The following SLC38A12 variants were observed in gnomAD, a reference collection of about 807,000 sequenced individuals.
SLC38A12 encodes putative sodium-coupled neutral amino acid transporter 12.
chr17:74,824,961 C>T, the SLC38A12 span, among the ~76,000 whole-genome samples: 1 of 152,342 alleles, frequency 6.6e-6, no homozygotes, highest in South Asian at 2.1e-4. Context: ...TTACCTGTCT[C>T]CAAACCCATG....
the SLC38A12 span, among the ~76,000 whole-genome samples, chr17:74,801,330 T>G: frequency 1.3e-5 from 2 of 152,238 alleles, no homozygotes; most frequent in African/African-American, 4.8e-5. Context: ...GTGCACTGCG[T>G]GCAGTCGTTC....
At chr17:74,825,264 A>G in the SLC38A12 span, among the ~76,000 whole-genome samples, 2 of 152,220 alleles carry the variant, frequency 1.3e-5, no homozygotes, top group South Asian at 2.1e-4. Flanking sequence ...GCCACTGTCC[A>G]GGGCTCTCCT....
the SLC38A12 span, chr17:74,838,892 C>A: frequency 1.3e-5 from 20 of 1,535,418 alleles, no homozygotes; most frequent in Non-Finnish European, 1.7e-5. Flanking sequence ...TGCAGATGGG[C>A]CCCCGGGGTC....
chr17:74,831,287 C>A, the SLC38A12 span, among the ~76,000 whole-genome samples: 8 of 152,286 alleles, frequency 5.3e-5, no homozygotes, highest in African/African-American at 1.9e-4. Flanking sequence ...ACTCTGGGCT[C>A]CAGAAGGACA....
chr17:74,838,034 GC>G, the SLC38A12 span: 1 of 985,888 alleles, frequency 1.0e-6, no homozygotes, highest in Middle Eastern at 5.2e-4. Context: ...CTCTGACAGA[GC>G]GACGATGTAG....
At chr17:74,797,062 G>A in the SLC38A12 span, among the ~76,000 whole-genome samples, 2 of 152,220 alleles carry the variant, frequency 1.3e-5, no homozygotes, top group African/African-American at 4.8e-5. Flanking sequence ...AGTTTGGTGG[G>A]TCTTTGCTGG....
the SLC38A12 span, chr17:74,837,137 T>G: frequency 1.0e-6 from 1 of 987,948 alleles, no homozygotes; most frequent in African/African-American, 1.7e-5. Context: ...TAGCAGCTGC[T>G]GCCTCTTCAG....
chr17:74,827,910 G>C, the SLC38A12 span, among the ~76,000 whole-genome samples: 1 of 135,300 alleles, frequency 7.4e-6, no homozygotes, highest in Non-Finnish European at 1.6e-5. The surrounding 1 kb of genome is among the most constrained non-coding windows in gnomAD (Gnocchi z 4.7). Flanking sequence ...CACCCCTTCC[G>C]AGGCCCAGCT....
At chr17:74,794,234 T>C in the SLC38A12 span, among the ~76,000 whole-genome samples, 151,278 of 152,360 alleles carry the variant, frequency 0.99, 75,117 homozygotes, top group Middle Eastern at 1. Context: ...ATGGACTTAC[T>C]GGGGTCCTGA....
the SLC38A12 span, chr17:74,838,800 C>A: frequency 6.7e-7 from 1 of 1,498,852 alleles, no homozygotes; most frequent in Non-Finnish European, 8.9e-7. Context: ...GTGATGCTGG[C>A]TCTCCACGTG....
chr17:74,839,260 C>G, the SLC38A12 span: 1 of 1,280,298 alleles, frequency 7.8e-7, no homozygotes, highest in Non-Finnish European at 1.0e-6. Context: ...CCTAGCCACA[C>G]AGCTGTCCTC....
the SLC38A12 span, among the ~76,000 whole-genome samples, chr17:74,794,547 G>T: frequency 6.6e-6 from 1 of 152,122 alleles, no homozygotes; most frequent in Non-Finnish European, 1.5e-5. Flanking sequence ...CAGAGAGCTG[G>T]GCTATTTTCC....
chr17:74,838,869 G>A, the SLC38A12 span: 1 of 1,533,434 alleles, frequency 6.5e-7, no homozygotes, highest in Middle Eastern at 1.7e-4. Flanking sequence ...AGCTCAGCTT[G>A]TGGTTTCCAT....
At chr17:74,807,041 G>A in the SLC38A12 span, among the ~76,000 whole-genome samples, 1 of 152,128 alleles carries the variant, frequency 6.6e-6, no homozygotes, top group African/African-American at 2.4e-5. Context: ...AGAAAGCAAA[G>A]TCTAAACTCC....
the SLC38A12 span, among the ~76,000 whole-genome samples, chr17:74,823,833 G>A: frequency 3.9e-5 from 6 of 152,268 alleles, no homozygotes; most frequent in East Asian, 1.9e-4. Flanking sequence ...TGTTCCCCCC[G>A]TGTGGGACAG....
chr17:74,824,591 A>G, the SLC38A12 span, among the ~76,000 whole-genome samples: 1 of 152,108 alleles, frequency 6.6e-6, no homozygotes, highest in African/African-American at 2.4e-5. Flanking sequence ...ATTTGGGGTT[A>G]TTAAAATCCG....
chr17:74,835,251 G>T, the SLC38A12 span, among the ~76,000 whole-genome samples: 1 of 152,206 alleles, frequency 6.6e-6, no homozygotes, highest in South Asian at 2.1e-4. Flanking sequence ...AGCAGCTCAG[G>T]ACTCGGCAGT....
the SLC38A12 span, among the ~76,000 whole-genome samples, chr17:74,809,035 C>T: frequency 6.6e-6 from 1 of 152,192 alleles, no homozygotes; most frequent in Non-Finnish European, 1.5e-5. Context: ...TCCTTTTTCA[C>T]CATCAAGGGG....
At chr17:74,807,701 TCAC>T in the SLC38A12 span, among the ~76,000 whole-genome samples, 1 of 152,228 alleles carries the variant, frequency 6.6e-6, no homozygotes, top group African/African-American at 2.4e-5. Flanking sequence ...AGACAGCTCG[TCAC>T]CCGTCTCTTT....
Sources: allele counts gnomAD v4.1 joint callset (sites outside exome capture counted in the v4.1 genomes callset), GRCh38; gene constraint gnomAD v4.1.1; non-coding constraint Gnocchi (gnomAD v3.1); transcripts MANE v1.5; gene names NCBI Gene and HGNC (gene_info 2026-07-23, HGNC 2026-07-21).